Variants in OR2T33 observed in about 807,000 individuals in gnomAD.
OR2T33 encodes the protein olfactory receptor family 2 subfamily T member 33.
In OR2T33, 10 loss-of-function variants were observed where a neutral mutation model predicts 14.0. That is an observed-to-expected ratio of 0.72 (90% CI 0.44 to 1.22). The LOEUF is 1.22. Among genes scored for constraint, OR2T33 ranks in the 50% most tolerant of loss-of-function variants. The pLI, the probability that OR2T33 is intolerant of heterozygous loss-of-function variation, is 0.00. For missense variants in OR2T33, 276 were observed against 405.9 expected, an observed-to-expected ratio of 0.68 and a Z score of 2.75; for synonymous variants, 103 against 159.4, an observed-to-expected ratio of 0.65 and a Z score of 2.66.
At chr1:248,276,251 G>A (rs2103032704) in intron 1 of OR2T33, among the ~76,000 whole-genome samples, 1 of 152,154 alleles carries the variant, frequency 6.6e-6, no homozygotes, top group South Asian at 2.1e-4. Context: ...TGCAGCCCAG[G>A]TCCTAACAGG....
rs200099241 is a variant in OR2T33, at chr1:248,273,651, G to C, written c.164C>G (p.Thr55Arg). The C allele has an allele frequency of 5.9e-4, 952 of 1,610,278 alleles. 1 individual carries two copies. Among genetic ancestry groups the C allele is most frequent in the African/African-American group, 5.2e-3 (373 of 72,360 alleles). The change falls in exon 2 of 2, where the codon ACG becomes AGG. Residue 55 changes from threonine to arginine, a missense_variant. Coordinates refer to ENST00000641220, the MANE Select transcript of OR2T33 (RefSeq NM_001004695.2). ...TTGGCTCAGGAGGAAGTACATGGGC[G>C]TGTGGAGCCGGTGGTCCCAGTGAAT... ...LLIHWDHRLHTPMYFLLSQLS... is the reference protein window; with the variant it reads ...LLIHWDHRLHRPMYFLLSQLS...
chr1:248,277,747 C>G lies in OR2T33; in HGVS notation c.-9+18G>C, dbSNP rs1317214780. The G allele has an allele frequency of 6.6e-6, 1 of 152,044 alleles. No homozygotes were observed. The highest frequency in any genetic ancestry group is 1.5e-5 in the Non-Finnish European group (1 of 67,990). 9.4% of individuals were successfully genotyped at this position (152,044 alleles called of 1,614,324 possible). On this transcript the variant is annotated intron_variant, in intron 1 of 1. Coordinates refer to ENST00000641220, the MANE Select transcript of OR2T33 (RefSeq NM_001004695.2). The stretch of plus-strand genomic sequence containing the variant: ...CCTAAAGTAAAGGAAAAATAATTCT[C>G]AAACAAATTAGACTCACCTTTGTAG...
In OR2T33 at chr1:248,272,951, G is replaced by C. The variant is rs145618749; in HGVS notation, c.864C>G (p.Tyr288Ter). 6.2e-7 allele frequency: 1 copy of C among 1,614,146 alleles called. No homozygotes were observed. The highest frequency in any genetic ancestry group is 1.3e-5 in the African/African-American group (1 of 75,028). Reference sequence around the variant, plus strand: ...CCTTCACCTCACTGTTCTTCACACTGTAGATGAGGGGGTTTAGTAAAGGGG... The same window carrying C: ...CCTTCACCTCACTGTTCTTCACACTCTAGATGAGGGGGTTTAGTAAAGGGG... ...MFTPLLNPLI[Y>*]SVKNSEVKGA... is the part of the protein sequence containing the mutation. Residue 288 changes from tyrosine (Y) to a stop codon, truncating the protein, a stop_gained, in exon 2 of 2, where the codon TAC becomes TAG. Coordinates refer to ENST00000641220, the MANE Select transcript of OR2T33 (RefSeq NM_001004695.2). LOFTEE classifies it high-confidence loss of function.
At chr1:248,276,207 G>C (rs1659445279) in intron 1 of OR2T33, among the ~76,000 whole-genome samples, 1 of 152,098 alleles carries the variant, frequency 6.6e-6, no homozygotes, top group Non-Finnish European at 1.5e-5. Flanking sequence ...AGAGCTCAGT[G>C]GGTAATGCTC....
At chr1:248,277,193 T>G (rs1285152270) in intron 1 of OR2T33, among the ~76,000 whole-genome samples, 1 of 151,728 alleles carries the variant, frequency 6.6e-6, no homozygotes, top group East Asian at 1.9e-4. Context: ...TTCTTAGCTC[T>G]TCTAGGCAAT....
Position 248,273,268 on chromosome 1 carries a change from C to G in OR2T33, c.547G>C (p.Val183Leu), listed in dbSNP as rs751991129. The G allele has an allele frequency of 2.4e-5, 39 of 1,610,296 alleles. No individual in the cohort carries two copies. The highest frequency in any genetic ancestry group is 3.2e-5 in the Non-Finnish European group (38 of 1,179,226). The change falls in exon 2 of 2, where the codon GTG (valine) becomes CTG (leucine). Residue 183 changes from valine (V) to leucine (L), a missense_variant. Transcript: ENST00000641220. Reference protein sequence around the residue: ...DHFFCETPVLVRLACADTSVF... With the variant: ...DHFFCETPVLLRLACADTSVF... ...GAAGTGTCAGCACAAGCCAAACGCA[C>G]CAGCACGGGGGTCTCGCAGAAGAAG...
chr1:248,273,852 AGAAG>A (rs1659418107), intron 1 of OR2T33, 30 bp from the exon 2 acceptor site: 1 of 1,579,118 alleles, frequency 6.3e-7, no homozygotes, highest in Non-Finnish European at 8.6e-7. Flanking sequence ...GGAAAAATAG[AGAAG>A]GAAGAGGCTT....
At position 248,273,640 on chromosome 1, in the gene OR2T33, A is replaced by G. The variant is rs1220955756; in HGVS notation, c.175T>C (p.Phe59Leu). 12 of 1,613,746 alleles carry G rather than the reference A, an allele frequency of 7.4e-6. No homozygotes were observed. The highest frequency in any genetic ancestry group is 1.7e-4 in the Middle Eastern group (1 of 6,032). Reference protein sequence around the residue: ...WDHRLHTPMYFLLSQLSLMDM... With the variant: ...WDHRLHTPMYLLLSQLSLMDM... Reference sequence around the variant, plus strand: ...ATGAGGGAAAGTTGGCTCAGGAGGAAGTACATGGGCGTGTGGAGCCGGTGG... The same window carrying G: ...ATGAGGGAAAGTTGGCTCAGGAGGAGGTACATGGGCGTGTGGAGCCGGTGG... Residue 59 changes from phenylalanine (F) to leucine (L), a missense_variant, in exon 2 of 2, where the codon TTC (phenylalanine) becomes CTC (leucine). By Grantham distance (22) the Phe-to-Leu change is conservative. Coordinates refer to ENST00000641220, the MANE Select transcript of OR2T33 (RefSeq NM_001004695.2).
rs566520586 is a variant in OR2T33 at position 248,273,864 on chromosome 1, C to T, written c.-8-42G>A. The T allele has an allele frequency of 1.5e-5, 24 of 1,570,158 alleles. No individual in the cohort carries two copies. In the South Asian group the frequency reaches 2.7e-4, roughly 18 times the overall value. On this transcript the variant is annotated intron_variant, in intron 1 of 1. Coordinates refer to ENST00000641220, the MANE Select transcript of OR2T33 (RefSeq NM_001004695.2). ...AATGGAAAAATAGAGAAGGAAGAGG[C>T]TTTTATGGTCTGAATAACTGTTTGA...
rs1659463821 is a variant in OR2T33, at chr1:248,277,789, G to A, written c.-33C>T. ...CCTTTGTAGTGGAGAATCACAGCCA[G>A]TGTGACATATATATGGGACTGAATC... On this transcript the variant is annotated 5_prime_UTR_variant, in exon 1 of 2. Coordinates refer to ENST00000641220, the MANE Select transcript of OR2T33 (RefSeq NM_001004695.2). The A allele has an allele frequency of 6.6e-6, 1 of 152,146 alleles. No homozygotes were observed. The highest frequency in any genetic ancestry group is 2.4e-5 in the African/African-American group (1 of 41,440). 9.4% of individuals were successfully genotyped at this position (152,146 alleles called of 1,614,324 possible). A position where few individuals can be genotyped will look rare whatever the true frequency, so the allele number is the denominator to read the frequency against.
Position 248,270,189 on chromosome 1 carries a change from T to A in OR2T33, c.*2663A>T, listed in dbSNP as rs559839267. On this transcript the variant is annotated 3_prime_UTR_variant, in exon 2 of 2. Coordinates refer to ENST00000641220, the MANE Select transcript of OR2T33 (RefSeq NM_001004695.2). The stretch of plus-strand genomic sequence containing the variant: ...CAAGGACAAAAAACCAAACACAGCA[T>A]GTTCTCACTCATAGGTGGGAATTGA... 6.6e-6 allele frequency: 1 copy of A among 152,180 alleles called. No individual in the cohort carries two copies. Among genetic ancestry groups the A allele is most frequent in the South Asian group, 2.1e-4 (1 of 4,826 alleles). The allele number at this position is 152,180 out of a possible 1,614,324, so 9.4% of individuals were successfully genotyped here.
chr1:248,273,616 T>C lies in OR2T33; in HGVS notation c.199A>G (p.Met67Val). Residue 67 changes from methionine to valine, a missense_variant, in exon 2 of 2, where the codon ATG becomes GTG. Transcript: ENST00000641220. Reference protein sequence around the residue: ...MYFLLSQLSLMDMMLVSTTVP... With the variant: ...MYFLLSQLSLVDMMLVSTTVP... The stretch of plus-strand genomic sequence containing the variant: ...GTGGTGGAAACCAGCATCATGTCCA[T>C]GAGGGAAAGTTGGCTCAGGAGGAAG... The C allele has an allele frequency of 1.2e-6, 2 of 1,613,642 alleles. No individual in the cohort carries two copies. Among genetic ancestry groups the C allele is most frequent in the Non-Finnish European group, 8.5e-7 (1 of 1,179,860 alleles).
At chr1:248,274,746 G>A (rs1344562434) in intron 1 of OR2T33, among the ~76,000 whole-genome samples, 1 of 152,164 alleles carries the variant, frequency 6.6e-6, no homozygotes, top group African/African-American at 2.4e-5. Flanking sequence ...AAATGGTTGA[G>A]TGTTGCTATT....
chr1:248,275,955 T>C (rs1659442368), intron 1 of OR2T33, among the ~76,000 whole-genome samples: 1 of 152,232 alleles, frequency 6.6e-6, no homozygotes, highest in African/African-American at 2.4e-5. Flanking sequence ...GGAAAGTTAC[T>C]TAACATTTTT....
At position 248,272,700 on chromosome 1, in the gene OR2T33, CT is replaced by C. The variant is rs1191368309; in HGVS notation, c.*151del. 2.0e-6 allele frequency: 2 copies of C among 1,015,346 alleles called. No individual in the cohort carries two copies. The highest frequency in any genetic ancestry group is 3.3e-5 in the African/African-American group (2 of 61,316). The allele number at this position is 1,015,346 out of a possible 1,614,324, so 62.9% of individuals were successfully genotyped here. A position where few individuals can be genotyped will look rare whatever the true frequency, so the allele number is the denominator to read the frequency against. ...AGTACATAAATGCTAAAAATGGTAT[CT>C]CTCAATACAATTAGCTCACTTAATT... On this transcript the variant is annotated 3_prime_UTR_variant, in exon 2 of 2. Transcript: ENST00000641220.
At chr1:248,274,931 C>G (rs1283303546) in intron 1 of OR2T33, among the ~76,000 whole-genome samples, 3 of 152,098 alleles carry the variant, frequency 2.0e-5, no homozygotes, top group Non-Finnish European at 4.4e-5. Context: ...TGTACAACTT[C>G]ATTTAGAAAG....
At chr1:248,276,261 G>C (rs900890091) in intron 1 of OR2T33, among the ~76,000 whole-genome samples, 6 of 152,012 alleles carry the variant, frequency 3.9e-5, no homozygotes, top group Non-Finnish European at 7.4e-5. Context: ...GTCCTAACAG[G>C]CCACAGATCA....
At chr1:248,275,771 T>C (rs1659440511) in intron 1 of OR2T33, among the ~76,000 whole-genome samples, 1 of 152,182 alleles carries the variant, frequency 6.6e-6, no homozygotes, top group Admixed American at 6.5e-5. Flanking sequence ...AGTCAGCTTT[T>C]TCCAGATTAC....
chr1:248,276,152 C>T (rs1347625859), intron 1 of OR2T33, among the ~76,000 whole-genome samples: 2 of 152,064 alleles, frequency 1.3e-5, no homozygotes, highest in African/African-American at 4.8e-5. Flanking sequence ...CAATAGGACT[C>T]ACACTCTTAT....
Sources: gnomAD v4.1 joint callset for allele counts (sites outside exome capture counted in the v4.1 genomes callset) on GRCh38, gnomAD v4.1.1 for gene constraint, MANE v1.5 for transcripts, NCBI Gene and HGNC (gene_info 2026-07-23, HGNC 2026-07-21) for gene names.